The following PSMB3 variants were observed in gnomAD, a reference collection of about 807,000 sequenced individuals.
PSMB3 encodes proteasome subunit beta type-3.
Under a neutral mutation model 23.3 loss-of-function variants are expected in PSMB3, and 5 were observed. The observed-to-expected ratio is 0.21, with a 90% CI of 0.11 to 0.45. The LOEUF (loss-of-function observed/expected upper bound fraction) is 0.45, where lower values mean the gene tolerates loss of function less well. PSMB3 is among the 20% of genes least tolerant of loss of function. PSMB3 has a pLI of 0.99. For synonymous variants in PSMB3, 85 were observed against 99.8 expected (o/e 0.85, Z 0.88); for missense variants, 192 against 277.9 (o/e 0.69, Z 2.20).
chr17:38,756,395 G>A (rs1044165521), intron 3 of PSMB3, among the ~76,000 whole-genome samples: 6 of 152,202 alleles, frequency 3.9e-5, no homozygotes, highest in Admixed American at 2.6e-4. Context: ...GGGCCTAACT[G>A]TAGAATTTAG....
At chr17:38,753,373 C>A in intron 2 of PSMB3, 39 bp downstream of exon 2, 1 of 1,588,936 alleles carries the variant, frequency 6.3e-7, no homozygotes, top group Non-Finnish European at 8.6e-7. Flanking sequence ...CAGGCCTCTT[C>A]TTGGACCATC....
At position 38,752,776 on chromosome 17, in the gene PSMB3, C is replaced by T; in HGVS notation, c.-51C>T. 4.3e-6 allele frequency: 7 copies of T among 1,612,824 alleles called. No individual in the cohort carries two copies. The South Asian group carries it at 6.6e-5, about 15-fold the overall frequency. On this transcript the variant is annotated 5_prime_UTR_variant, in exon 1 of 6. Transcript: ENST00000619426. The surrounding 1 kb of genome is among the most constrained non-coding windows in gnomAD (Gnocchi z 5.5). ...GCGGTTGCGCAGTGAAGGCTAGACC[C>T]GGTTTACTGGAATTGCTCTGGCGAT... is the stretch of plus-strand genomic sequence containing the variant.
chr17:38,759,037 C>T (rs1177118459), intron 3 of PSMB3, among the ~76,000 whole-genome samples: 1 of 152,014 alleles, frequency 6.6e-6, no homozygotes, highest in South Asian at 2.1e-4. Context: ...CAGAGCAAGA[C>T]TGTCTCAAAA....
Position 38,755,977 on chromosome 17 carries a change from T to C in PSMB3, c.283T>C (p.Leu95=). Reference sequence around the variant, plus strand: ...CCTCATGAGCATGGTGGCCAACCTCTTGTATGAGAAACGGTGAGTGCAAGT... The same window carrying C: ...CCTCATGAGCATGGTGGCCAACCTCCTGTATGAGAAACGGTGAGTGCAAGT... The part of the protein sequence containing the change: ...YTLMSMVANL[L]YEKRFGPYYT... The change falls in exon 3 of 6, where the codon TTG becomes CTG. Residue 95 remains leucine (L), a synonymous_variant. Transcript: ENST00000619426. 1.2e-6 allele frequency: 2 copies of C among 1,612,910 alleles called. No individual in the cohort carries two copies. Among genetic ancestry groups the C allele is most frequent in the Non-Finnish European group, 8.5e-7 (1 of 1,178,892 alleles).
chr17:38,759,915 A>G (rs937500017), intron 3 of PSMB3, among the ~76,000 whole-genome samples: 3 of 152,154 alleles, frequency 2.0e-5, no homozygotes, highest in Non-Finnish European at 4.4e-5. Flanking sequence ...TCCTTTTGAC[A>G]ATGAGAGTAA....
intron 2 of PSMB3, among the ~76,000 whole-genome samples, 168 bp from the exon 3 acceptor site, chr17:38,755,715 T>TGTGTGTGTGTGC (rs142685157): frequency 3.6e-5 from 5 of 138,436 alleles, no homozygotes; most frequent in African/African-American, 1.1e-4. Context: ...TGTGTGTGTG[T>TGTGTGTGTGTGC]GCTGCCAAAG....
chr17:38,753,361 C>T (rs1166244598), intron 2 of PSMB3, 27 bp downstream of exon 2: 11 of 1,603,750 alleles, frequency 6.9e-6, no homozygotes, highest in South Asian at 4.5e-5. Context: ...CCCGCCCACA[C>T]CCAGGCCTCT....
At chr17:38,760,353 G>T (rs1908380452) in intron 3 of PSMB3, 78 bp from the exon 4 acceptor site, 1 of 1,516,998 alleles carries the variant, frequency 6.6e-7, no homozygotes, top group African/African-American at 1.4e-5. Context: ...CTAGGCCGGG[G>T]CCTTGTCTGA....
Position 38,753,345 on chromosome 17 carries a change from A to C in PSMB3, c.188+11A>C. 2 of 1,611,674 alleles carry C rather than the reference A, an allele frequency of 1.2e-6. No individual in the cohort carries two copies. Among genetic ancestry groups the C allele is most frequent in the Non-Finnish European group, 1.7e-6 (2 of 1,178,658 alleles). On this transcript the variant is annotated intron_variant, in intron 2 of 5. Transcript: ENST00000619426. Reference sequence around the variant, plus strand: ...TGACGTCCAGACAGTGTAAGTTTCAAGGGTCCCCGCCCACACCCAGGCCTC... The same window carrying C: ...TGACGTCCAGACAGTGTAAGTTTCACGGGTCCCCGCCCACACCCAGGCCTC...
chr17:38,755,860 A>C (rs118122366), intron 2 of PSMB3, 23 bp from the exon 3 acceptor site: 2 of 1,323,094 alleles, frequency 1.5e-6, no homozygotes, highest in Non-Finnish European at 2.1e-6. Flanking sequence ...ATGACTTACT[A>C]ACTCACTTTT....
chr17:38,764,186 CT>C lies in PSMB3; in HGVS notation c.*27del, dbSNP rs762962200. On this transcript the variant is annotated 3_prime_UTR_variant, in exon 6 of 6. Coordinates refer to ENST00000619426, the MANE Select transcript of PSMB3 (RefSeq NM_002795.4). ...GGACTAACCCTGTTCCCAGAGCCCA[CT>C]TTTTTTTCTTTTTTTGAAATAAAAT... 7 of 1,607,764 alleles carry C rather than the reference CT, an allele frequency of 4.4e-6. No homozygotes were observed. Among genetic ancestry groups the C allele is most frequent in the African/African-American group, 2.7e-5 (2 of 74,524 alleles).
chr17:38,753,308 C>G lies in PSMB3; in HGVS notation c.162C>G (p.Ala54=). 1 of 1,613,978 alleles carries G rather than the reference C, an allele frequency of 6.2e-7. No homozygotes were observed. The change falls in exon 2 of 6, where the codon GCC becomes GCG. Residue 54 remains alanine, a synonymous_variant. Transcript: ENST00000619426. The part of the protein sequence containing the change: ...PMGDRLYIGL[A]GLATDVQTVA... ...GTGACCGGCTGTACATCGGTCTGGC[C>G]GGGCTCGCCACTGACGTCCAGACAG... is the stretch of plus-strand genomic sequence containing the variant.
At chr17:38,755,689 T>TGTGC (rs1908160966) in intron 2 of PSMB3, among the ~76,000 whole-genome samples, 194 bp from the exon 3 acceptor site, 1 of 122,640 alleles carries the variant, frequency 8.2e-6, no homozygotes, top group Non-Finnish European at 1.6e-5. Flanking sequence ...TATATGTGTG[T>TGTGC]GTGTGTGTGT....
intron 1 of PSMB3, 46 bp from the exon 2 acceptor site, chr17:38,753,104 C>T (rs933487537): frequency 3.9e-5 from 60 of 1,547,244 alleles, no homozygotes; most frequent in Non-Finnish European, 5.2e-5. Context: ...GGGGCTGTGG[C>T]AGCGTTTGAC....
rs1236398420 is a variant in PSMB3 at position 38,755,660 on chromosome 17, ATATATAT to A, written c.189-222_189-216del. Among the ~76,000 whole-genome samples the A allele has an allele frequency of 7.2e-4, 73 of 101,820 alleles. 2 individuals carry two copies. The highest frequency in any genetic ancestry group is 2.7e-3 in the South Asian group (8 of 3,004). 66.8% of individuals were successfully genotyped at this position (101,820 alleles called of 152,430 possible). On this transcript the variant is annotated intron_variant, in intron 2 of 5. Coordinates refer to ENST00000619426, the MANE Select transcript of PSMB3 (RefSeq NM_002795.4). ...GAGACTCCGTCTAAAAAAAAAAAAA[ATATATAT>A]ATATATATATATATATGTGTGTGTG... is the stretch of plus-strand genomic sequence containing the variant.
chr17:38,756,960 C>T (rs1233960701), intron 3 of PSMB3, among the ~76,000 whole-genome samples: 12 of 150,414 alleles, frequency 8.0e-5, no homozygotes, highest in Middle Eastern at 3.4e-3. Flanking sequence ...CTCCACCTCC[C>T]GGGTCCAAGT....
At chr17:38,760,647 A>T in intron 4 of PSMB3, 39 bp downstream of exon 4, 1 of 1,611,560 alleles carries the variant, frequency 6.2e-7, no homozygotes, top group Non-Finnish European at 8.5e-7. Flanking sequence ...GCTCTGAGTT[A>T]CCCACCCTTG....
chr17:38,753,114 C>T (rs1014941117), intron 1 of PSMB3, 36 bp from the exon 2 acceptor site: 8 of 1,565,948 alleles, frequency 5.1e-6, no homozygotes, highest in African/African-American at 2.7e-5. Flanking sequence ...CAGCGTTTGA[C>T]CCCCCGCGCT....
In PSMB3 at chr17:38,753,134, G is replaced by A; in HGVS notation, c.4-16G>A. 12 of 1,604,488 alleles carry A rather than the reference G, an allele frequency of 7.5e-6. No homozygotes were observed. The highest frequency in any genetic ancestry group is 1.0e-5 in the Non-Finnish European group (12 of 1,174,422). ...TTTGACCCCCCGCGCTGACCCCTCCGCTCTGTCTGTCCTAGTCTATTATGT... is the reference window on the plus strand; with the variant it reads ...TTTGACCCCCCGCGCTGACCCCTCCACTCTGTCTGTCCTAGTCTATTATGT... On this transcript the variant is annotated splice_polypyrimidine_tract_variant and intron_variant, in intron 1 of 5. Transcript: ENST00000619426.
Sources: gnomAD v4.1 joint callset for allele counts (sites outside exome capture counted in the v4.1 genomes callset) on GRCh38, gnomAD v4.1.1 for gene constraint, Gnocchi (gnomAD v3.1) non-coding constraint, MANE v1.5 for transcripts, NCBI Gene and HGNC (gene_info 2026-07-23, HGNC 2026-07-21) for gene names.